The following LAPTM4A variants were observed in gnomAD, a reference collection of about 807,000 sequenced individuals.
The protein encoded by LAPTM4A is lysosomal protein transmembrane 4 alpha.
LAPTM4A carries 19 observed loss-of-function variants against 29.9 expected under a neutral mutation model. The observed-to-expected ratio is 0.64, with a 90% CI of 0.44 to 0.93. LAPTM4A has a LOEUF of 0.93. Ranked by LOEUF, LAPTM4A falls within the 40% of genes least tolerant of loss-of-function variation. The pLI is 0.00. For missense variants in LAPTM4A, 293 were observed against 288.5 expected, an observed-to-expected ratio of 1.02 and a Z score of -0.11; for synonymous variants, 105 against 102.1, an observed-to-expected ratio of 1.03 and a Z score of -0.17.
rs138813836 is a variant in LAPTM4A at position 20,035,223 on chromosome 2, C to A, written c.433-161G>T. On this transcript the variant is annotated intron_variant, in intron 4 of 6. Coordinates refer to ENST00000175091, the MANE Select transcript of LAPTM4A (RefSeq NM_014713.5). The stretch of plus-strand genomic sequence containing the variant: ...ATTCAAAGTGCTTTTAAATTTTAAG[C>A]CTTATCACCATTAATGCATGCTAAC... 16 of 611,592 alleles carry A rather than the reference C, an allele frequency of 2.6e-5. No homozygotes were observed. In the Admixed American group the frequency reaches 4.1e-4, roughly 16 times the overall value. The allele number at this position is 611,592 out of a possible 1,614,324, so 37.9% of individuals were successfully genotyped here. A position where few individuals can be genotyped will look rare whatever the true frequency, so the allele number is the denominator to read the frequency against.
chr2:20,042,444 T>C (rs1391965005), intron 1 of LAPTM4A, among the ~76,000 whole-genome samples: 2 of 152,204 alleles, frequency 1.3e-5, no homozygotes, highest in Non-Finnish European at 2.9e-5. Context: ...CCTATGAAGA[T>C]TTTCTGGATG....
In LAPTM4A at chr2:20,037,198, A is replaced by C. The variant is rs553505642; in HGVS notation, c.432+118T>G. ...AGAGAGCAGAAATAATTATTTTAAG[A>C]CACTTTCAAAAGCAAGCGGAGTAGT... On this transcript the variant is annotated intron_variant, in intron 4 of 6. Coordinates refer to ENST00000175091, the MANE Select transcript of LAPTM4A (RefSeq NM_014713.5). The C allele has an allele frequency of 4.5e-5, 36 of 794,338 alleles. No homozygotes were observed. In the African/African-American group the frequency reaches 5.4e-4, roughly 12 times the overall value. 49.2% of individuals were successfully genotyped at this position (794,338 alleles called of 1,614,324 possible). A position where few individuals can be genotyped will look rare whatever the true frequency, so the allele number is the denominator to read the frequency against.
At chr2:20,042,418 T>C (rs965688240) in intron 1 of LAPTM4A, among the ~76,000 whole-genome samples, 4 of 152,252 alleles carry the variant, frequency 2.6e-5, no homozygotes, top group African/African-American at 7.2e-5. Context: ...TTGAGTTTCA[T>C]CTTATTACAT....
chr2:20,037,154 A>G, intron 4 of LAPTM4A, 162 bp downstream of exon 4: 1 of 543,086 alleles, frequency 1.8e-6, no homozygotes, highest in Non-Finnish European at 3.1e-6. Flanking sequence ...TCATCTTGCC[A>G]GTTTTGTCAC....
At chr2:20,042,723 G>A (rs1673827261) in intron 1 of LAPTM4A, among the ~76,000 whole-genome samples, 1 of 152,194 alleles carries the variant, frequency 6.6e-6, no homozygotes, top group Non-Finnish European at 1.5e-5. Flanking sequence ...AGTTGTGCCT[G>A]TAGTTGTTGG....
At chr2:20,037,638 T>C (rs781212975) in intron 2 of LAPTM4A, 24 bp from the exon 3 acceptor site, 53 of 1,474,750 alleles carry the variant, frequency 3.6e-5, no homozygotes, top group Non-Finnish European at 4.8e-5. Context: ...AACAAAAATC[T>C]AATTAAGCTA....
At chr2:20,049,506 C>T (rs973773352) in intron 1 of LAPTM4A, among the ~76,000 whole-genome samples, 2 of 152,130 alleles carry the variant, frequency 1.3e-5, no homozygotes, top group East Asian at 3.8e-4. Flanking sequence ...AATAAGCGCC[C>T]GTAATGAAGT....
chr2:20,036,783 T>G (rs979136627), intron 4 of LAPTM4A, among the ~76,000 whole-genome samples: 1 of 152,202 alleles, frequency 6.6e-6, no homozygotes, highest in Non-Finnish European at 1.5e-5. Flanking sequence ...TAATCGAAGT[T>G]CCTTATTTGC....
At position 20,051,460 on chromosome 2, in the gene LAPTM4A, C is replaced by T. The variant is rs766976606; in HGVS notation, c.61G>A (p.Gly21Ser). ...SDRFYSTRCC[G>S]CCHVRTGTII... ...GTCCCGGTGCGGACATGGCAACAGC[C>T]GCAGCACCGGGTGCTGTAGAACCGG... Residue 21 changes from glycine (G) to serine (S), a missense_variant, in exon 1 of 7, where the codon GGC (glycine) becomes AGC (serine). Coordinates refer to ENST00000175091, the MANE Select transcript of LAPTM4A (RefSeq NM_014713.5). 5.0e-6 allele frequency: 8 copies of T among 1,613,486 alleles called. No individual in the cohort carries two copies. The African/African-American group carries it at 9.3e-5, about 19-fold the overall frequency.
At chr2:20,043,122 G>T (rs1053501786) in intron 1 of LAPTM4A, among the ~76,000 whole-genome samples, 4 of 151,082 alleles carry the variant, frequency 2.6e-5, no homozygotes, top group African/African-American at 7.3e-5. Flanking sequence ...ACCCAAGCTG[G>T]AGTGCAGTGG....
intron 4 of LAPTM4A, among the ~76,000 whole-genome samples, chr2:20,037,108 C>A (rs113506314): frequency 6.6e-6 from 1 of 152,196 alleles, no homozygotes. Flanking sequence ...CTTAATACTG[C>A]ATTATCCAAA....
chr2:20,046,813 G>A (rs115224924), intron 1 of LAPTM4A, among the ~76,000 whole-genome samples: 1,671 of 123,050 alleles, frequency 0.014, 13 homozygotes, highest in Non-Finnish European at 0.022. Context: ...TTTTTTTTTG[G>A]TAGAGAGGGG....
intron 1 of LAPTM4A, among the ~76,000 whole-genome samples, chr2:20,048,909 T>C (rs561910062): frequency 2.0e-5 from 3 of 152,258 alleles, no homozygotes; most frequent in Non-Finnish European, 4.4e-5. Context: ...TCATAAGTGT[T>C]ACATGTCTCC....
At chr2:20,046,898 T>C (rs1673936945) in intron 1 of LAPTM4A, among the ~76,000 whole-genome samples, 1 of 148,946 alleles carries the variant, frequency 6.7e-6, no homozygotes, top group African/African-American at 2.5e-5. Context: ...AATGCTGGGA[T>C]TACAGGCGTG....
intron 4 of LAPTM4A, among the ~76,000 whole-genome samples, chr2:20,036,697 C>T (rs1673684004): frequency 6.6e-6 from 1 of 152,116 alleles, no homozygotes; most frequent in Non-Finnish European, 1.5e-5. Flanking sequence ...GATCCCATAT[C>T]TCCTTCTGAC....
intron 1 of LAPTM4A, among the ~76,000 whole-genome samples, chr2:20,049,908 A>C (rs1674015287): frequency 6.6e-6 from 1 of 152,192 alleles, no homozygotes; most frequent in Non-Finnish European, 1.5e-5. Flanking sequence ...GCTAAGGACA[A>C]ACAAAAGAAA....
Position 20,034,987 on chromosome 2 carries a change from C to G in LAPTM4A, c.508G>C (p.Ala170Pro), listed in dbSNP as rs747353095. ...CLLFIVLVFF[A>P]LFIIFKAYLI... ...CGTACCTTAAAAATGATGAATAAGG[C>G]AAAGAACACAAGAACAATGAACAGG... Residue 170 changes from alanine (A) to proline (P), a missense_variant, in exon 5 of 7, where the codon GCC (alanine) becomes CCC (proline). Transcript: ENST00000175091. 4 of 1,611,706 alleles carry G rather than the reference C, an allele frequency of 2.5e-6. No individual in the cohort carries two copies. Among genetic ancestry groups the G allele is most frequent in the African/African-American group, 2.7e-5 (2 of 74,742 alleles).
At position 20,034,437 on chromosome 2, in the gene LAPTM4A, T is replaced by C. The variant is rs377079758; in HGVS notation, c.529-22A>G. ...AAGCCTGGAAGAATAAAAACAAAGT[T>C]GACATCTGCTAGAAACTCAACAGAC... On this transcript the variant is annotated intron_variant, in intron 5 of 6. Transcript: ENST00000175091. 1,706 of 1,501,906 alleles carry C rather than the reference T, an allele frequency of 1.1e-3. 14 individuals carry two copies. In the Middle Eastern group the frequency reaches 0.03, roughly 27 times the overall value. 93.0% of individuals were successfully genotyped at this position (1,501,906 alleles called of 1,614,324 possible).
chr2:20,042,546 G>A (rs1353609615), intron 1 of LAPTM4A, among the ~76,000 whole-genome samples: 1 of 152,214 alleles, frequency 6.6e-6, no homozygotes, highest in East Asian at 1.9e-4. Flanking sequence ...ACTAACAAAA[G>A]AGAACAGAGG....
Sources: gnomAD v4.1 joint callset for allele counts (sites outside exome capture counted in the v4.1 genomes callset) on GRCh38, gnomAD v4.1.1 for gene constraint, MANE v1.5 for transcripts, NCBI Gene and HGNC (gene_info 2026-07-23, HGNC 2026-07-21) for gene names.